The following SGMS1 variants were observed in gnomAD, a reference collection of about 807,000 sequenced individuals.
SGMS1 encodes sphingomyelin synthase 1.
SGMS1 carries 13 observed loss-of-function variants against 46.2 expected under a neutral mutation model. The observed-to-expected ratio is 0.28, with a 90% confidence interval of 0.18 to 0.45. The LOEUF (loss-of-function observed/expected upper bound fraction) is 0.45, where lower values mean the gene tolerates loss of function less well. Among genes scored for constraint, SGMS1 ranks in the 20% least tolerant of loss-of-function variants. SGMS1 has a pLI of 1.00. For missense variants in SGMS1, 324 were observed against 519.9 expected, an observed-to-expected ratio of 0.62 and a Z score of 3.66; for synonymous variants, 203 against 187.8, an observed-to-expected ratio of 1.08 and a Z score of -0.66.
intron 6 of SGMS1, among the ~76,000 whole-genome samples, chr10:50,421,076 G>C (rs1318975697): frequency 6.6e-6 from 1 of 152,126 alleles, no homozygotes; most frequent in Non-Finnish European, 1.5e-5. Flanking sequence ...AAGAGAACAG[G>C]ATAACTGGTT....
chr10:50,353,347 A>T (rs1848058910), intron 6 of SGMS1, among the ~76,000 whole-genome samples: 11 of 152,298 alleles, frequency 7.2e-5, no homozygotes, highest in Non-Finnish European at 1.5e-5. Flanking sequence ...CCACATGATT[A>T]TCTCAACAGA....
At chr10:50,556,910 T>C (rs140964251) in intron 2 of SGMS1, among the ~76,000 whole-genome samples, 319 of 152,048 alleles carry the variant, frequency 2.1e-3, no homozygotes, top group African/African-American at 7.0e-3. Context: ...GAGACAGGAG[T>C]GTGCAGAAGA....
chr10:50,325,849 A>G (rs560914697), intron 8 of SGMS1, among the ~76,000 whole-genome samples: 2 of 152,340 alleles, frequency 1.3e-5, no homozygotes, highest in African/African-American at 4.8e-5. Flanking sequence ...TGAATATCCT[A>G]AACTGTCAGT....
chr10:50,586,285 C>T (rs1838483849), intron 2 of SGMS1, among the ~76,000 whole-genome samples: 1 of 152,166 alleles, frequency 6.6e-6, no homozygotes, highest in African/African-American at 2.4e-5. Context: ...AGGATATACA[C>T]TCACTCTCCA....
chr10:50,402,544 T>TA (rs1439508484), intron 6 of SGMS1, among the ~76,000 whole-genome samples: 1 of 152,176 alleles, frequency 6.6e-6, no homozygotes, highest in Non-Finnish European at 1.5e-5. Context: ...AGGATATCAT[T>TA]AAAAGACTTT....
intron 6 of SGMS1, among the ~76,000 whole-genome samples, chr10:50,401,996 G>T (rs189803164): frequency 4.4e-4 from 67 of 152,298 alleles, no homozygotes; most frequent in Non-Finnish European, 3.1e-4. Flanking sequence ...TTGTACCCAA[G>T]AAATTATTTG....
At chr10:50,495,757 C>A (rs1837609781) in intron 3 of SGMS1, among the ~76,000 whole-genome samples, 2 of 116,732 alleles carry the variant, frequency 1.7e-5, no homozygotes. Context: ...GAATTGTCAC[C>A]AAGAATTATA....
intron 2 of SGMS1, among the ~76,000 whole-genome samples, chr10:50,532,920 C>T (rs1432039940): frequency 2.0e-5 from 3 of 152,118 alleles, no homozygotes; most frequent in African/African-American, 7.2e-5. Context: ...TGCAGTTACT[C>T]GGTACCAAGT....
At chr10:50,417,111 G>C (rs1361466962) in intron 6 of SGMS1, among the ~76,000 whole-genome samples, 1 of 152,110 alleles carries the variant, frequency 6.6e-6, no homozygotes, top group Non-Finnish European at 1.5e-5. Context: ...CAGTGTTTCT[G>C]ATCATGATAA....
At chr10:50,394,136 A>C (rs1437563503) in intron 6 of SGMS1, among the ~76,000 whole-genome samples, 12 of 152,224 alleles carry the variant, frequency 7.9e-5, no homozygotes, top group Non-Finnish European at 1.3e-4. Context: ...TCTTTAAAAC[A>C]ACTAGTCTGT....
intron 2 of SGMS1, among the ~76,000 whole-genome samples, chr10:50,545,706 G>A (rs963294969): frequency 3.9e-5 from 6 of 152,148 alleles, no homozygotes; most frequent in Non-Finnish European, 8.8e-5. Context: ...CAAAATGCTG[G>A]GATTACAGAC....
intron 6 of SGMS1, among the ~76,000 whole-genome samples, chr10:50,361,832 T>C (rs2133416897): frequency 6.6e-6 from 1 of 152,350 alleles, no homozygotes; most frequent in African/African-American, 2.4e-5. Flanking sequence ...TCAGATGCCT[T>C]GACTTAGCTC....
intron 3 of SGMS1, among the ~76,000 whole-genome samples, chr10:50,515,323 C>A (rs1837791527): frequency 6.6e-6 from 1 of 152,192 alleles, no homozygotes; most frequent in African/African-American, 2.4e-5. Context: ...CTATGAAAGA[C>A]AGCACTCTTG....
chr10:50,315,795 AC>A (rs952706740), intron 8 of SGMS1, among the ~76,000 whole-genome samples: 5 of 152,252 alleles, frequency 3.3e-5, no homozygotes, highest in African/African-American at 1.2e-4. Context: ...TCATATCTAC[AC>A]CACTATGTGC....
intron 6 of SGMS1, among the ~76,000 whole-genome samples, chr10:50,407,463 T>C (rs752938992): frequency 8.5e-5 from 13 of 152,202 alleles, no homozygotes; most frequent in African/African-American, 1.4e-4. Context: ...GGAGCACTTC[T>C]CACCTTATTT....
rs545967289 is a variant in SGMS1, at chr10:50,562,425, AT to A, written c.-589+27727del. Among the ~76,000 whole-genome samples, 256 of 151,106 alleles carry A rather than the reference AT, an allele frequency of 1.7e-3. 1 individual carries two copies. The highest frequency in any genetic ancestry group is 5.9e-3 in the African/African-American group (246 of 41,362). ...ACTCTTACACGCACCCACTACCACA[AT>A]CACCTTCCCCCCACCACCTCTCTGA... On this transcript the variant is annotated intron_variant, in intron 2 of 10. Transcript: ENST00000361781.
chr10:50,391,327 G>A (rs558144751), intron 6 of SGMS1, among the ~76,000 whole-genome samples: 31 of 152,224 alleles, frequency 2.0e-4, no homozygotes, highest in African/African-American at 7.2e-4. Flanking sequence ...GTGCTGTTGT[G>A]GGACTTGAAC....
chr10:50,619,043 G>C (rs866918716), intron 1 of SGMS1, among the ~76,000 whole-genome samples: 1 of 152,136 alleles, frequency 6.6e-6, no homozygotes, highest in Non-Finnish European at 1.5e-5. Flanking sequence ...TGAGGTAGGA[G>C]AGTCTCTTGA....
intron 2 of SGMS1, among the ~76,000 whole-genome samples, chr10:50,531,300 T>G (rs1460533315): frequency 6.6e-6 from 1 of 152,224 alleles, no homozygotes; most frequent in African/African-American, 2.4e-5. Flanking sequence ...TACCTTACTC[T>G]CTGCTCAACT....
Sources: gnomAD v4.1 joint callset for allele counts (sites outside exome capture counted in the v4.1 genomes callset) on GRCh38, gnomAD v4.1.1 for gene constraint, MANE v1.5 for transcripts, NCBI Gene and HGNC (gene_info 2026-07-23, HGNC 2026-07-21) for gene names.